CACNA1C: variants seen among roughly 807,000 people sequenced by gnomAD.
CACNA1C encodes voltage-dependent L-type calcium channel subunit alpha-1C.
A neutral mutation model predicts 229.0 loss-of-function variants in CACNA1C; 30 were observed. The ratio of observed to expected loss-of-function variants is 0.13; its 90% CI spans 0.10 to 0.18. CACNA1C has a LOEUF of 0.18. Ranked by LOEUF, CACNA1C falls within the 10% of genes least tolerant of loss-of-function variation. CACNA1C has a pLI of 1.00. For synonymous variants in CACNA1C, 1,114 were observed against 1,132.5 expected, an observed-to-expected ratio of 0.98 and a Z score of 0.33; for missense variants, 1,658 against 2,845.0, an observed-to-expected ratio of 0.58 and a Z score of 9.49.
intron 3 of CACNA1C, among the ~76,000 whole-genome samples, chr12:2,173,296 T>C (rs1049922267): frequency 3.3e-5 from 5 of 152,176 alleles, no homozygotes; most frequent in African/African-American, 1.2e-4. Context: ...CAGTTCTCCA[T>C]TTCCAGGAAG....
intron 3 of CACNA1C, among the ~76,000 whole-genome samples, chr12:2,240,265 C>G (rs1036721526): frequency 1.3e-5 from 2 of 152,218 alleles, no homozygotes; most frequent in Admixed American, 6.5e-5. Flanking sequence ...TGCTCCCCTT[C>G]TTGCTGGAGT....
intron 1 of CACNA1C, among the ~76,000 whole-genome samples, chr12:2,066,294 G>A (rs1234048169): frequency 6.6e-6 from 1 of 152,140 alleles, no homozygotes; most frequent in Non-Finnish European, 1.5e-5. Context: ...AAGCTGTGGA[G>A]GTGGAGCCAT....
intron 3 of CACNA1C, among the ~76,000 whole-genome samples, chr12:2,358,294 TGTGTGTGTGTGTGTC>T (rs1421439308): frequency 6.0e-4 from 87 of 144,514 alleles, no homozygotes; most frequent in African/African-American, 2.4e-3. Context: ...TGTGTGTGTG[TGTGTGTGTGTGTGTC>T]TCTTTGTCAT....
At chr12:2,433,414 C>A (rs1036940192) in intron 3 of CACNA1C, among the ~76,000 whole-genome samples, 3 of 151,854 alleles carry the variant, frequency 2.0e-5, no homozygotes. Context: ...CTGCAGTGCC[C>A]TGGACCCATG....
intron 5 of CACNA1C, among the ~76,000 whole-genome samples, chr12:2,465,700 G>T (rs2099546352): frequency 1.3e-5 from 2 of 152,162 alleles, no homozygotes; most frequent in Admixed American, 6.5e-5. Context: ...AAACCGCACT[G>T]CAGAGACAGC....
chr12:2,510,635 C>G (rs1243252650), intron 8 of CACNA1C, among the ~76,000 whole-genome samples: 1 of 152,166 alleles, frequency 6.6e-6, no homozygotes, highest in East Asian at 1.9e-4. Context: ...CAGTCCTATT[C>G]TCCCAATTCC....
chr12:2,052,179 G>A (rs2052394723), upstream of CACNA1C, among the ~76,000 whole-genome samples: 1 of 152,156 alleles, frequency 6.6e-6, no homozygotes, highest in Non-Finnish European at 1.5e-5. Context: ...ATTAAGAGAA[G>A]TAGGTAAGGA....
chr12:2,148,216 G>A (rs1194472510), intron 3 of CACNA1C, among the ~76,000 whole-genome samples: 2 of 151,156 alleles, frequency 1.3e-5, no homozygotes, highest in Non-Finnish European at 3.0e-5. Flanking sequence ...AATCTCTTAT[G>A]AACTAAACTC....
intron 13 of CACNA1C, among the ~76,000 whole-genome samples, chr12:2,578,183 T>C (rs1353515619): frequency 1.3e-5 from 2 of 152,244 alleles, no homozygotes; most frequent in South Asian, 4.2e-4. Flanking sequence ...TAATTATTCT[T>C]TGAGAGTAAT....
intron 3 of CACNA1C, among the ~76,000 whole-genome samples, chr12:2,362,100 A>G (rs10774039): frequency 0.18 from 27,042 of 152,210 alleles, 3,275 homozygotes; most frequent in African/African-American, 0.34. Flanking sequence ...GTGCTTAAAA[A>G]TAGTGGCTCT....
At chr12:2,151,809 C>T (rs1294323503) in intron 3 of CACNA1C, among the ~76,000 whole-genome samples, 2 of 152,174 alleles carry the variant, frequency 1.3e-5, no homozygotes, top group Non-Finnish European at 2.9e-5. Flanking sequence ...GGTCAGTGGA[C>T]CCTCAGGAAT....
chr12:2,305,168 T>C (rs1013247996), intron 3 of CACNA1C, among the ~76,000 whole-genome samples: 3 of 152,188 alleles, frequency 2.0e-5, no homozygotes, highest in African/African-American at 7.2e-5. Context: ...GCTATTTCTT[T>C]ATTCAGTTTG....
At chr12:2,216,319 G>A (rs992359332) in intron 3 of CACNA1C, among the ~76,000 whole-genome samples, 10 of 152,134 alleles carry the variant, frequency 6.6e-5, no homozygotes, top group Non-Finnish European at 1.5e-4. Context: ...GAAGGACTGA[G>A]TAGGCCTAGA....
intron 3 of CACNA1C, among the ~76,000 whole-genome samples, chr12:2,400,908 G>A (rs933751638): frequency 2.6e-5 from 4 of 152,086 alleles, no homozygotes; most frequent in African/African-American, 7.2e-5. Context: ...TGCTTCAGTG[G>A]CATCTCCCTC....
At chr12:2,185,069 T>C (rs79406619) in intron 3 of CACNA1C, among the ~76,000 whole-genome samples, 4,758 of 152,054 alleles carry the variant, frequency 0.031, 245 homozygotes, top group African/African-American at 0.11. Flanking sequence ...GCAGCTGTAG[T>C]TCATTCACCA....
At chr12:2,549,605 G>A (rs1194534242) in intron 9 of CACNA1C, among the ~76,000 whole-genome samples, 1 of 152,216 alleles carries the variant, frequency 6.6e-6, no homozygotes, top group Non-Finnish European at 1.5e-5. Context: ...GTTGCAAATG[G>A]AAAGCCTCTA....
At chr12:2,329,571 A>G (rs2096470408) in intron 3 of CACNA1C, among the ~76,000 whole-genome samples, 1 of 152,198 alleles carries the variant, frequency 6.6e-6, no homozygotes, top group Admixed American at 6.5e-5. Context: ...CCGACTTGTC[A>G]CTTTAGGCTC....
intron 3 of CACNA1C, among the ~76,000 whole-genome samples, chr12:2,252,651 A>G (rs1456489132): frequency 2.0e-5 from 3 of 152,138 alleles, no homozygotes; most frequent in African/African-American, 7.2e-5. Flanking sequence ...GTTCCAGGAG[A>G]TTATTCAGGT....
intron 3 of CACNA1C, among the ~76,000 whole-genome samples, chr12:2,240,043 TATCA>T (rs2069247866): frequency 1.3e-5 from 2 of 152,396 alleles, no homozygotes; most frequent in Middle Eastern, 3.4e-3. Flanking sequence ...ATAGAAATTG[TATCA>T]ATCAACAGTG....
Sources: gnomAD v4.1 joint callset for allele counts (sites outside exome capture counted in the v4.1 genomes callset) on GRCh38, gnomAD v4.1.1 for gene constraint, MANE v1.5 for transcripts, NCBI Gene and HGNC (gene_info 2026-07-23, HGNC 2026-07-21) for gene names.